Variants in KCNAB1 observed in about 807,000 individuals in gnomAD.
The protein encoded by KCNAB1 is voltage-gated potassium channel subunit beta-1.
Under a neutral mutation model 64.6 loss-of-function variants are expected in KCNAB1, and 35 were observed. The ratio of observed to expected loss-of-function variants is 0.54; its 90% CI spans 0.41 to 0.72. The LOEUF (loss-of-function observed/expected upper bound fraction) is 0.72. KCNAB1 is among the 30% of genes least tolerant of loss of function. The pLI is 0.00. For synonymous variants in KCNAB1, 177 were observed against 183.8 expected (o/e 0.96, Z 0.30); for missense variants, 401 against 512.9 (o/e 0.78, Z 2.11).
intron 1 of KCNAB1, among the ~76,000 whole-genome samples, chr3:156,155,591 T>C (rs1390942771): frequency 6.6e-6 from 1 of 152,064 alleles, no homozygotes; most frequent in African/African-American, 2.4e-5. Context: ...AAGAGTATTA[T>C]AGACAGAAGG....
intron 1 of KCNAB1, among the ~76,000 whole-genome samples, chr3:156,337,477 C>T (rs116318790): frequency 1.9e-3 from 285 of 152,154 alleles, no homozygotes; most frequent in African/African-American, 6.4e-3. Flanking sequence ...CTTCTTCCTC[C>T]TCCTCCTGGA....
intron 1 of KCNAB1, among the ~76,000 whole-genome samples, chr3:156,249,635 A>G (rs1717700004): frequency 6.6e-6 from 1 of 152,172 alleles, no homozygotes; most frequent in African/African-American, 2.4e-5. Context: ...TGAGCTTTGC[A>G]GTTTCAAGGA....
intron 1 of KCNAB1, chr3:156,291,490 C>T: frequency 9.4e-7 from 1 of 1,058,374 alleles, no homozygotes; most frequent in South Asian, 3.3e-5. Context: ...CAGAAGCGAG[C>T]CCGCATTCAG....
intron 13 of KCNAB1, among the ~76,000 whole-genome samples, chr3:156,534,833 A>C (rs1718945507): frequency 6.6e-6 from 1 of 152,232 alleles, no homozygotes; most frequent in Non-Finnish European, 1.5e-5. Context: ...GTAGTAGTTT[A>C]CAATGTTTCA....
chr3:156,424,627 C>T (rs781549049), intron 2 of KCNAB1, among the ~76,000 whole-genome samples: 2 of 152,080 alleles, frequency 1.3e-5, no homozygotes, highest in Non-Finnish European at 1.5e-5. Context: ...TATTTACAAG[C>T]TTGTGTCTAC....
chr3:156,467,060 A>C (rs1387730575), intron 7 of KCNAB1, among the ~76,000 whole-genome samples: 1 of 152,110 alleles, frequency 6.6e-6, no homozygotes, highest in Non-Finnish European at 1.5e-5. Context: ...AGCCTAGCCT[A>C]CCTTAAATAT....
chr3:156,342,826 G>A (rs1208548715), intron 1 of KCNAB1, among the ~76,000 whole-genome samples: 1 of 151,886 alleles, frequency 6.6e-6, no homozygotes, highest in African/African-American at 2.4e-5. Context: ...GGATCTTCAA[G>A]AGGGAAGTCC....
chr3:156,433,202 G>C (rs1305037594), intron 2 of KCNAB1, among the ~76,000 whole-genome samples: 1 of 152,202 alleles, frequency 6.6e-6, no homozygotes. Flanking sequence ...GTGGTTCTCA[G>C]GATGAATCAG....
chr3:156,372,149 G>T (rs1224861780), intron 1 of KCNAB1, among the ~76,000 whole-genome samples: 1 of 152,170 alleles, frequency 6.6e-6, no homozygotes, highest in Non-Finnish European at 1.5e-5. Flanking sequence ...AGGGAGATTG[G>T]ATACAACATA....
At chr3:156,383,576 G>T (rs1712341116) in intron 1 of KCNAB1, among the ~76,000 whole-genome samples, 1 of 152,014 alleles carries the variant, frequency 6.6e-6, no homozygotes, top group African/African-American at 2.4e-5. Flanking sequence ...CACCCTACAG[G>T]CCATTTTGTT....
chr3:156,362,231 T>C (rs1725661311), intron 1 of KCNAB1, among the ~76,000 whole-genome samples: 1 of 152,246 alleles, frequency 6.6e-6, no homozygotes, highest in Non-Finnish European at 1.5e-5. Context: ...ACATTCTAAA[T>C]TTTCTAAAAG....
chr3:156,343,169 G>A (rs1724255525), intron 1 of KCNAB1, among the ~76,000 whole-genome samples: 2 of 152,140 alleles, frequency 1.3e-5, no homozygotes, highest in Admixed American at 6.5e-5. Flanking sequence ...CTTCAGCTTT[G>A]GAGTATTTTC....
chr3:156,155,718 AG>A (rs1437866668), intron 1 of KCNAB1, among the ~76,000 whole-genome samples: 1 of 152,222 alleles, frequency 6.6e-6, no homozygotes, highest in African/African-American at 2.4e-5. Flanking sequence ...AAGAAGGTAA[AG>A]GGGAGAATTG....
chr3:156,360,434 G>T (rs905564506), intron 1 of KCNAB1, among the ~76,000 whole-genome samples: 4 of 152,162 alleles, frequency 2.6e-5, no homozygotes, highest in African/African-American at 9.7e-5. Flanking sequence ...ACTTAGCTGG[G>T]CACACTGGCT....
intron 1 of KCNAB1, among the ~76,000 whole-genome samples, chr3:156,147,957 A>ACATG (rs1560107790): frequency 2.2e-4 from 30 of 137,068 alleles, no homozygotes; most frequent in African/African-American, 7.8e-4. Flanking sequence ...ACACACACAC[A>ACATG]CACGCACGCA....
At chr3:156,451,213 C>A (rs900476980) in intron 2 of KCNAB1, among the ~76,000 whole-genome samples, 1 of 152,206 alleles carries the variant, frequency 6.6e-6, no homozygotes, top group Non-Finnish European at 1.5e-5. Context: ...CCAAGTGGAT[C>A]AACAGCATTC....
At chr3:156,398,184 T>A (rs1182246979) in intron 1 of KCNAB1, among the ~76,000 whole-genome samples, 1 of 151,748 alleles carries the variant, frequency 6.6e-6, no homozygotes, top group Admixed American at 6.6e-5. Flanking sequence ...AGTTAAACAA[T>A]GAGAACACAT....
At chr3:156,145,449 C>A (rs1029815630) in intron 1 of KCNAB1, among the ~76,000 whole-genome samples, 1 of 152,082 alleles carries the variant, frequency 6.6e-6, no homozygotes, top group Non-Finnish European at 1.5e-5. Flanking sequence ...GGAAAGAGAA[C>A]CAGGGTTCTC....
At chr3:156,361,380 T>A (rs573823393) in intron 1 of KCNAB1, among the ~76,000 whole-genome samples, 1 of 152,282 alleles carries the variant, frequency 6.6e-6, no homozygotes, top group South Asian at 2.1e-4. Flanking sequence ...ACCCCATTCC[T>A]ACTCCACATA....
Sources: gnomAD v4.1 joint callset for allele counts (sites outside exome capture counted in the v4.1 genomes callset) on GRCh38, gnomAD v4.1.1 for gene constraint, MANE v1.5 for transcripts, NCBI Gene and HGNC (gene_info 2026-07-23, HGNC 2026-07-21) for gene names.